SRGAP2B: variants seen among roughly 807,000 people sequenced by gnomAD.
SRGAP2B encodes the protein SLIT-ROBO Rho GTPase-activating protein 2B.
SRGAP2B carries 9 observed loss-of-function variants against 22.2 expected under a neutral mutation model. That is an observed-to-expected ratio of 0.41 (90% confidence interval 0.24 to 0.71). The LOEUF is 0.71. Among genes scored for constraint, SRGAP2B ranks in the 30% least tolerant of loss-of-function variants. The pLI is 0.35. For missense variants in SRGAP2B, 114 were observed against 235.8 expected, an observed-to-expected ratio of 0.48 and a Z score of 3.38; for synonymous variants, 36 against 87.4, an observed-to-expected ratio of 0.41 and a Z score of 3.28.
Position 144,974,938 on chromosome 1 carries a change from G to A in SRGAP2B, c.261-19337C>T, listed in dbSNP as rs1219063783. 2.7e-5 allele frequency among the ~76,000 whole-genome samples: 4 copies of A among 149,880 alleles called. 1 individual carries two copies. Among genetic ancestry groups the A allele is most frequent in the African/African-American group, 1.0e-4 (4 of 39,374 alleles). On this transcript the variant is annotated intron_variant, in intron 3 of 9. Transcript: ENST00000612199. ...TAAATGCAAAAGAGGTGATCAGGGAGAATGGCAAGGAGAACCTAGGAGCAG... is the reference window on the plus strand; with the variant it reads ...TAAATGCAAAAGAGGTGATCAGGGAAAATGGCAAGGAGAACCTAGGAGCAG...
intron 3 of SRGAP2B, among the ~76,000 whole-genome samples, chr1:144,976,669 G>C (rs1321212399): frequency 6.9e-6 from 1 of 145,028 alleles, no homozygotes; most frequent in Non-Finnish European, 1.5e-5. Context: ...CTCAAAGAAC[G>C]ATGGGGACAT....
chr1:144,902,775 A>T lies in SRGAP2B; in HGVS notation c.831+2316T>A, dbSNP rs1406427313. 2.9e-5 allele frequency among the ~76,000 whole-genome samples: 4 copies of T among 136,698 alleles called. No individual in the cohort carries two copies. The Admixed American group carries it at 3.1e-4, about 11-fold the overall frequency. The allele number at this position is 136,698 out of a possible 152,430, so 89.7% of individuals were successfully genotyped here. A position where few individuals can be genotyped will look rare whatever the true frequency, so the allele number is the denominator to read the frequency against. On this transcript the variant is annotated intron_variant, in intron 7 of 9. Coordinates refer to ENST00000612199, the Ensembl canonical transcript of SRGAP2B. ...AGACTCCTTCTCAAAAAAAAAAAAA[A>T]AAAGAAACATGAGAAACTTTATTAC...
intron 2 of SRGAP2B, among the ~76,000 whole-genome samples, chr1:145,011,804 C>T (rs1260292298): frequency 3.3e-5 from 5 of 149,646 alleles, no homozygotes; most frequent in African/African-American, 5.1e-5. Context: ...CCCTTGCTTC[C>T]CTGCAGTCTA....
intron 5 of SRGAP2B, among the ~76,000 whole-genome samples, chr1:144,909,663 G>A (rs1270188944): frequency 6.6e-6 from 1 of 150,382 alleles, no homozygotes; most frequent in Non-Finnish European, 1.5e-5. Flanking sequence ...GACTAGATGA[G>A]AGGTTTATTC....
intron 5 of SRGAP2B, among the ~76,000 whole-genome samples, chr1:144,909,712 A>G (rs1663275018): frequency 6.6e-6 from 1 of 150,426 alleles, no homozygotes; most frequent in Non-Finnish European, 1.5e-5. Flanking sequence ...TACAAGGTTC[A>G]GCTGAGGATA....
chr1:144,917,686 T>C (rs1249104059), intron 4 of SRGAP2B, among the ~76,000 whole-genome samples: 1 of 142,786 alleles, frequency 7.0e-6, no homozygotes, highest in Non-Finnish European at 1.5e-5. Flanking sequence ...TGAAGTGATC[T>C]GACTTACTGC....
At chr1:144,920,232 T>A (rs1339883330) in intron 4 of SRGAP2B, among the ~76,000 whole-genome samples, 2 of 151,080 alleles carry the variant, frequency 1.3e-5, no homozygotes, top group Non-Finnish European at 2.9e-5. Context: ...CTGTCCACTA[T>A]GATATTTCCT....
rs587718265 is a variant in SRGAP2B, at chr1:145,009,314, C to A, written c.68-14114G>T. Among the ~76,000 whole-genome samples, 45 of 150,508 alleles carry A rather than the reference C, an allele frequency of 3.0e-4. 2 individuals are homozygous for A. Among genetic ancestry groups the A allele is most frequent in the Non-Finnish European group, 5.6e-4 (38 of 67,892 alleles). ...AGATAAAACAAAACTGGCGGCCGGGCGCGGTGGCTCACGCCTGTAATCCCA... is the reference window on the plus strand; with the variant it reads ...AGATAAAACAAAACTGGCGGCCGGGAGCGGTGGCTCACGCCTGTAATCCCA... On this transcript the variant is annotated intron_variant, in intron 2 of 9. Transcript: ENST00000612199.
At chr1:144,995,020 T>C in exon 3 of SRGAP2B, 1 of 1,537,470 alleles carries the variant, frequency 6.5e-7, no homozygotes. Context: ...GAATTGCTGG[T>C]CCTTGGTGCT....
chr1:144,965,195 C>G (rs1553611979), intron 3 of SRGAP2B: 1 of 1,048,312 alleles, frequency 9.5e-7, no homozygotes, highest in Non-Finnish European at 1.5e-6. Context: ...CTCCGGTCTA[C>G]AGCTCCAGCG....
At chr1:144,976,740 A>G in intron 3 of SRGAP2B, among the ~76,000 whole-genome samples, 1 of 124,834 alleles carries the variant, frequency 8.0e-6, no homozygotes, top group African/African-American at 3.9e-5. Context: ...GAACAATATG[A>G]ACATTAAAAT....
chr1:144,905,765 G>A (rs1398313974), intron 6 of SRGAP2B, 94 bp downstream of exon 6: 80 of 708,538 alleles, frequency 1.1e-4, no homozygotes, highest in Middle Eastern at 3.3e-4. Flanking sequence ...GAGCTTCCTC[G>A]TCTGCTCTTC....
At chr1:144,904,112 T>C (rs1235621614) in intron 7 of SRGAP2B, among the ~76,000 whole-genome samples, 2,962 of 147,608 alleles carry the variant, frequency 0.02, 151 homozygotes, top group African/African-American at 0.072. Context: ...CATCACATAT[T>C]TTTAAAAATG....
At chr1:145,001,830 G>A (rs1671191944) in intron 2 of SRGAP2B, among the ~76,000 whole-genome samples, 2 of 150,680 alleles carry the variant, frequency 1.3e-5, no homozygotes, top group South Asian at 4.2e-4. Context: ...AGATGAGCCT[G>A]GGCAACATGG....
At chr1:144,985,418 A>T (rs1280465475) in intron 3 of SRGAP2B, among the ~76,000 whole-genome samples, 1 of 150,294 alleles carries the variant, frequency 6.7e-6, no homozygotes, top group East Asian at 1.9e-4. Flanking sequence ...AGAAAAAAAA[A>T]AGCTACCTAA....
At chr1:144,963,879 G>A (rs1315083675) in intron 3 of SRGAP2B, among the ~76,000 whole-genome samples, 1 of 151,402 alleles carries the variant, frequency 6.6e-6, no homozygotes, top group Non-Finnish European at 1.5e-5. Flanking sequence ...TTGTACTGTA[G>A]TATGCCAAAT....
At chr1:145,076,456 A>T (rs587722168) in intron 2 of SRGAP2B, among the ~76,000 whole-genome samples, 1 of 150,786 alleles carries the variant, frequency 6.6e-6, no homozygotes, top group African/African-American at 2.5e-5. Flanking sequence ...CATACCATAG[A>T]ATACTGCTCA....
At chr1:144,919,973 T>C (rs1553604135) in intron 4 of SRGAP2B, 1 of 150,398 alleles carries the variant, frequency 6.6e-6, no homozygotes, top group African/African-American at 2.5e-5. Context: ...TCGCGGTGAG[T>C]GTTACAGCTC....
chr1:144,909,037 CCTCT>C (rs1253842247), intron 5 of SRGAP2B, among the ~76,000 whole-genome samples: 3 of 142,064 alleles, frequency 2.1e-5, no homozygotes, highest in African/African-American at 8.2e-5. Flanking sequence ...AGCTCTGCTC[CCTCT>C]GACAGCCACA....
Sources: allele counts gnomAD v4.1 joint callset (sites outside exome capture counted in the v4.1 genomes callset), GRCh38; gene constraint gnomAD v4.1.1; transcripts MANE v1.5; gene names NCBI Gene and HGNC (gene_info 2026-07-23, HGNC 2026-07-21).